The following KCNMA1 variants were observed in gnomAD, a reference collection of about 807,000 sequenced individuals.
The protein encoded by KCNMA1 is potassium calcium-activated channel subfamily M alpha 1, also known as Calcium-activated potassium channel subunit alpha-1.
In KCNMA1, 29 loss-of-function variants were observed where a neutral mutation model predicts 140.0. The ratio of observed to expected loss-of-function variants is 0.21; its 90% confidence interval spans 0.15 to 0.28. The LOEUF (loss-of-function observed/expected upper bound fraction) is 0.28, where lower values mean the gene tolerates loss of function less well. Ranked by LOEUF, KCNMA1 falls within the 10% of genes least tolerant of loss-of-function variation. The pLI is 1.00. For missense variants in KCNMA1, 880 were observed against 1,602.2 expected, an observed-to-expected ratio of 0.55 and a Z score of 7.70; for synonymous variants, 612 against 611.9, an observed-to-expected ratio of 1.00 and a Z score of 0.00.
intron 2 of KCNMA1, among the ~76,000 whole-genome samples, chr10:77,379,856 G>C (rs1033296296): frequency 6.6e-6 from 1 of 152,032 alleles, no homozygotes; most frequent in Non-Finnish European, 1.5e-5. Flanking sequence ...TGTCCACTTG[G>C]GTCAGCACCT....
At position 77,184,672 on chromosome 10, in the gene KCNMA1, A is replaced by T. The variant is rs1392811393; in HGVS notation, c.696+151T>A. ...TTCCAGAAAATGCTTAGCTAAGGAG[A>T]GGGCTCTCTCTCAGACTGAAAATCA... On this transcript the variant is annotated intron_variant, in intron 4 of 27. Coordinates refer to ENST00000286628, the MANE Select transcript of KCNMA1 (RefSeq NM_001161352.2). 4.2e-5 allele frequency: 29 copies of T among 695,280 alleles called. No individual in the cohort carries two copies. In the East Asian group the frequency reaches 7.6e-4, roughly 18 times the overall value. The allele number at this position is 695,280 out of a possible 1,614,324, so 43.1% of individuals were successfully genotyped here. A position where few individuals can be genotyped will look rare whatever the true frequency, so the allele number is the denominator to read the frequency against.
chr10:77,361,942 G>A (rs1246462199), intron 2 of KCNMA1, among the ~76,000 whole-genome samples: 1 of 152,204 alleles, frequency 6.6e-6, no homozygotes, highest in African/African-American at 2.4e-5. Flanking sequence ...TGCCATTTCT[G>A]ACCCAGCCCA....
intron 1 of KCNMA1, among the ~76,000 whole-genome samples, chr10:77,508,239 G>A (rs770269338): frequency 1.3e-5 from 2 of 151,924 alleles, no homozygotes; most frequent in Admixed American, 6.6e-5. Flanking sequence ...GCAGTGGCAC[G>A]ATCTCAGCTC....
Position 77,192,247 on chromosome 10 carries a change from A to C in KCNMA1, c.603-7331T>G, listed in dbSNP as rs1025646406. 2.6e-5 allele frequency among the ~76,000 whole-genome samples: 4 copies of C among 152,180 alleles called. 1 individual carries two copies. Among genetic ancestry groups the C allele is most frequent in the African/African-American group, 4.8e-5 (2 of 41,466 alleles). On this transcript the variant is annotated intron_variant, in intron 3 of 27. Transcript: ENST00000286628. ...TCAATTCTTTATAAATTTCTCAATA[A>C]AACACACACAGATCATTTGCTTTCA...
chr10:77,578,200 C>G (rs1267373104), intron 1 of KCNMA1, among the ~76,000 whole-genome samples: 1 of 152,148 alleles, frequency 6.6e-6, no homozygotes, highest in Non-Finnish European at 1.5e-5. Context: ...ATGGCCTCCT[C>G]CCAATTCTAG....
At chr10:76,875,300 C>T (rs1320651625), downstream of KCNMA1, 1 of 152,128 alleles carries the variant, frequency 6.6e-6, no homozygotes, top group Non-Finnish European at 1.5e-5. Context: ...ACAGTATGAA[C>T]TTATTGCTCT....
chr10:77,625,356 G>A (rs1341209327), intron 1 of KCNMA1, among the ~76,000 whole-genome samples: 1 of 152,076 alleles, frequency 6.6e-6, no homozygotes, highest in Non-Finnish European at 1.5e-5. Context: ...ACTCCAGCCT[G>A]GGCGACAGAG....
At chr10:77,445,354 G>A (rs1016827619) in intron 1 of KCNMA1, among the ~76,000 whole-genome samples, 10 of 135,316 alleles carry the variant, frequency 7.4e-5, no homozygotes, top group Admixed American at 5.1e-4. Flanking sequence ...TCTCTCACAC[G>A]CACATACACA....
intron 3 of KCNMA1, among the ~76,000 whole-genome samples, chr10:77,198,568 G>GATATATATATATATAT (rs3998087): frequency 1.7e-3 from 239 of 138,374 alleles, no homozygotes; most frequent in Middle Eastern, 4.1e-3. Context: ...ATATATATGT[G>GATATATATATATATAT]ATATATATAT....
intron 9 of KCNMA1, among the ~76,000 whole-genome samples, chr10:77,093,998 C>G (rs1406331662): frequency 1.3e-5 from 2 of 152,116 alleles, no homozygotes; most frequent in Non-Finnish European, 2.9e-5. Context: ...AAAGCCAGAG[C>G]CTTTGAGGGG....
At chr10:76,955,533 T>C (rs2153003440) in intron 20 of KCNMA1, among the ~76,000 whole-genome samples, 1 of 152,328 alleles carries the variant, frequency 6.6e-6, no homozygotes, top group Middle Eastern at 3.4e-3. Flanking sequence ...TAGACTACTA[T>C]AGGAATATCT....
chr10:77,465,659 C>T (rs1041701220), intron 1 of KCNMA1, among the ~76,000 whole-genome samples: 1 of 152,182 alleles, frequency 6.6e-6, no homozygotes, highest in African/African-American at 2.4e-5. Context: ...ACCTGGCAAA[C>T]AGCAGGCATT....
At chr10:76,955,490 G>A (rs930917374) in intron 20 of KCNMA1, among the ~76,000 whole-genome samples, 6 of 152,132 alleles carry the variant, frequency 3.9e-5, no homozygotes, top group African/African-American at 1.4e-4. Flanking sequence ...ACTATGTGAA[G>A]CCAACTTGCA....
intron 2 of KCNMA1, among the ~76,000 whole-genome samples, chr10:77,317,892 T>G (rs958207102): frequency 6.6e-6 from 1 of 152,236 alleles, no homozygotes; most frequent in African/African-American, 2.4e-5. Context: ...ATTCACGGTT[T>G]TGTTTAAGGC....
intron 17 of KCNMA1, among the ~76,000 whole-genome samples, chr10:77,018,704 G>C (rs2092476301): frequency 6.6e-6 from 1 of 152,154 alleles, no homozygotes; most frequent in Admixed American, 6.5e-5. Context: ...CAGTTGTCTT[G>C]TTATGTTGTT....
intron 21 of KCNMA1, among the ~76,000 whole-genome samples, chr10:76,952,671 C>T (rs952126955): frequency 6.6e-6 from 1 of 152,186 alleles, no homozygotes; most frequent in Admixed American, 6.5e-5. Flanking sequence ...AGACAGCCTC[C>T]AGCTTGATAC....
At chr10:77,440,628 T>C (rs1037969618) in intron 1 of KCNMA1, among the ~76,000 whole-genome samples, 3 of 152,100 alleles carry the variant, frequency 2.0e-5, no homozygotes, top group African/African-American at 7.2e-5. Context: ...AATTGTCAAA[T>C]GAAAGTGTTC....
At position 77,317,702 on chromosome 10, in the gene KCNMA1, T is replaced by C. The variant is rs2081251797; in HGVS notation, c.541-66446A>G. On this transcript the variant is annotated intron_variant, in intron 2 of 27. Transcript: ENST00000286628. ...CTAACAGCCGATGGCAGGGAGAGGA[T>C]GCTTGTTGGCACAAGGCCGCTGTAC... is the stretch of plus-strand genomic sequence containing the variant. 2.0e-5 allele frequency among the ~76,000 whole-genome samples: 3 copies of C among 152,364 alleles called. No homozygotes were observed. In the South Asian group the frequency reaches 6.2e-4, roughly 32 times the overall value.
intron 3 of KCNMA1, among the ~76,000 whole-genome samples, chr10:77,215,407 CTTTT>C (rs5786271): frequency 7.5e-6 from 1 of 132,934 alleles, no homozygotes; most frequent in African/African-American, 2.8e-5. Flanking sequence ...TTTATTTTTG[CTTTT>C]TTTTTTTTTT....
Sources: gnomAD v4.1 joint callset for allele counts (sites outside exome capture counted in the v4.1 genomes callset) on GRCh38, gnomAD v4.1.1 for gene constraint, MANE v1.5 for transcripts, NCBI Gene and HGNC (gene_info 2026-07-23, HGNC 2026-07-21) for gene names.